The following KDM4C variants were observed in gnomAD, a reference collection of about 807,000 sequenced individuals.
The protein encoded by KDM4C is lysine demethylase 4C.
Under a neutral mutation model 129.3 loss-of-function variants are expected in KDM4C, and 81 were observed. That is an observed-to-expected ratio of 0.63 (90% CI 0.52 to 0.75). KDM4C has a LOEUF of 0.75. Ranked by LOEUF, KDM4C falls within the 30% of genes least tolerant of loss-of-function variation. The pLI is 0.00. For synonymous variants in KDM4C, 573 were observed against 456.1 expected, an observed-to-expected ratio of 1.26 and a Z score of -3.26; for missense variants, 1,457 against 1,304.0, an observed-to-expected ratio of 1.12 and a Z score of -1.81.
At chr9:6,796,855 C>T (rs1271550116) in intron 2 of KDM4C, among the ~76,000 whole-genome samples, 2 of 152,090 alleles carry the variant, frequency 1.3e-5, no homozygotes, top group Non-Finnish European at 2.9e-5. Context: ...CTGGAAGTTG[C>T]AGTAGTAGCA....
chr9:7,113,491 C>T (rs796261096), intron 18 of KDM4C, among the ~76,000 whole-genome samples: 49 of 152,320 alleles, frequency 3.2e-4, no homozygotes, highest in African/African-American at 1.1e-3. Context: ...TGTTTTCCCA[C>T]TGCTGATCTT....
At chr9:7,026,007 C>A (rs1704422597) in intron 15 of KDM4C, among the ~76,000 whole-genome samples, 1 of 152,000 alleles carries the variant, frequency 6.6e-6, no homozygotes, top group African/African-American at 2.4e-5. Flanking sequence ...GAGTTCGAGA[C>A]CATCCTGGAA....
chr9:6,964,251 C>T (rs1830518678), intron 8 of KDM4C, among the ~76,000 whole-genome samples: 1 of 148,908 alleles, frequency 6.7e-6, no homozygotes, highest in African/African-American at 2.5e-5. Flanking sequence ...CCCCTGACCC[C>T]CCAACAGGCC....
intron 6 of KDM4C, among the ~76,000 whole-genome samples, chr9:6,882,689 C>G (rs1844635707): frequency 6.6e-6 from 1 of 151,708 alleles, no homozygotes; most frequent in African/African-American, 2.4e-5. Flanking sequence ...GTTTTGTTAC[C>G]TTATTAAAAA....
At chr9:6,981,777 G>T (rs545284545) in intron 9 of KDM4C, 2 of 216,462 alleles carry the variant, frequency 9.2e-6, no homozygotes, top group Admixed American at 8.7e-5. Context: ...CCTTTTAAGG[G>T]TCTTATGTTT....
intron 12 of KDM4C, among the ~76,000 whole-genome samples, chr9:7,010,581 A>G (rs553767781): frequency 6.6e-6 from 1 of 152,316 alleles, no homozygotes; most frequent in South Asian, 2.1e-4. Context: ...GATATTTAGA[A>G]TGTGTCACAG....
At chr9:6,998,726 G>A (rs899013682) in intron 12 of KDM4C, among the ~76,000 whole-genome samples, 1 of 152,186 alleles carries the variant, frequency 6.6e-6, no homozygotes, top group African/African-American at 2.4e-5. Flanking sequence ...AACCTGGGAG[G>A]TGGAGGCTGC....
chr9:7,157,509 T>C (rs535120498), intron 19 of KDM4C, among the ~76,000 whole-genome samples: 14 of 152,356 alleles, frequency 9.2e-5, no homozygotes, highest in African/African-American at 2.4e-4. Context: ...ATAGCTCTTA[T>C]TATTTTGAGA....
intron 1 of KDM4C, among the ~76,000 whole-genome samples, chr9:6,736,828 A>G (rs1048278274): frequency 2.0e-5 from 3 of 152,034 alleles, no homozygotes; most frequent in African/African-American, 7.2e-5. Flanking sequence ...AGTCTGGGGG[A>G]TCACTTGAGA....
upstream of KDM4C, among the ~76,000 whole-genome samples, chr9:6,757,430 G>A (rs1475348049): frequency 6.6e-6 from 1 of 152,224 alleles, no homozygotes; most frequent in Non-Finnish European, 1.5e-5. Flanking sequence ...AGTTGTTAAA[G>A]GGTTGGGACA....
intron 8 of KDM4C, among the ~76,000 whole-genome samples, chr9:6,963,906 G>A (rs1302956438): frequency 6.6e-6 from 1 of 152,094 alleles, no homozygotes; most frequent in Admixed American, 6.5e-5. Flanking sequence ...GCTATTCCTA[G>A]ATTAACTATT....
chr9:7,044,737 C>A (rs1587203560), intron 15 of KDM4C, among the ~76,000 whole-genome samples: 1 of 151,868 alleles, frequency 6.6e-6, no homozygotes, highest in Admixed American at 6.6e-5. Flanking sequence ...AAGGTGTGAG[C>A]CATTGGCCTA....
intron 18 of KDM4C, among the ~76,000 whole-genome samples, chr9:7,123,009 G>A (rs1217651506): frequency 1.3e-5 from 2 of 152,156 alleles, no homozygotes; most frequent in African/African-American, 4.8e-5. Context: ...TATGGGGTAT[G>A]CTTGTCAATA....
intron 11 of KDM4C, among the ~76,000 whole-genome samples, chr9:6,988,569 T>G (rs908535063): frequency 5.3e-5 from 8 of 152,172 alleles, no homozygotes; most frequent in Non-Finnish European, 1.0e-4. Flanking sequence ...GTCAGTTTTT[T>G]TTAGTATTCA....
intron 18 of KDM4C, among the ~76,000 whole-genome samples, chr9:7,124,976 C>T (rs557026359): frequency 2.0e-5 from 3 of 152,280 alleles, no homozygotes; most frequent in African/African-American, 7.2e-5. Context: ...ACTATACTGT[C>T]GCACTAAGCT....
chr9:6,864,190 G>A (rs770916033), intron 5 of KDM4C, among the ~76,000 whole-genome samples: 1 of 152,102 alleles, frequency 6.6e-6, no homozygotes, highest in Non-Finnish European at 1.5e-5. Context: ...GATGGGTCTG[G>A]TGATGGCAAA....
chr9:6,958,236 T>C (rs1265379202), intron 8 of KDM4C, among the ~76,000 whole-genome samples: 1 of 152,146 alleles, frequency 6.6e-6, no homozygotes, highest in Admixed American at 6.5e-5. Context: ...AATAATACAA[T>C]AGTATTTTTA....
intron 1 of KDM4C, among the ~76,000 whole-genome samples, chr9:6,749,947 T>C (rs1195299048): frequency 4.9e-5 from 7 of 144,156 alleles, no homozygotes; most frequent in African/African-American, 1.6e-4. Flanking sequence ...GATTGTGCCA[T>C]TGTACTCCAG....
chr9:6,880,121 T>G, intron 6 of KDM4C, 60 bp downstream of exon 6: 1 of 1,133,660 alleles, frequency 8.8e-7, no homozygotes. Context: ...TTTTGTAGGT[T>G]CTTTGTTTTT....
Sources: gnomAD v4.1 joint callset for allele counts (sites outside exome capture counted in the v4.1 genomes callset) on GRCh38, gnomAD v4.1.1 for gene constraint, MANE v1.5 for transcripts, NCBI Gene and HGNC (gene_info 2026-07-23, HGNC 2026-07-21) for gene names.